The following LSAMP variants were observed in gnomAD, a reference collection of about 807,000 sequenced individuals.
The protein encoded by LSAMP is limbic system-associated membrane protein.
LSAMP carries 7 observed loss-of-function variants against 38.6 expected under a neutral mutation model. That is an observed-to-expected ratio of 0.18 (90% CI 0.10 to 0.34). The LOEUF (loss-of-function observed/expected upper bound fraction) is 0.34. LSAMP is among the 10% of genes least tolerant of loss of function. The pLI, the probability that LSAMP is intolerant of heterozygous loss-of-function variation, is 1.00. For missense variants in LSAMP, 313 were observed against 420.0 expected (o/e 0.75, Z 2.23); for synonymous variants, 154 against 166.8 (o/e 0.92, Z 0.59).
chr3:116,357,132 T>C (rs1576158142), intron 1 of LSAMP, among the ~76,000 whole-genome samples: 2 of 152,264 alleles, frequency 1.3e-5, no homozygotes, highest in African/African-American at 4.8e-5. Flanking sequence ...TAATCAACAC[T>C]TAGGTCCTTA....
intron 1 of LSAMP, among the ~76,000 whole-genome samples, chr3:116,307,794 A>T (rs142282037): frequency 6.6e-6 from 1 of 152,062 alleles, no homozygotes; most frequent in East Asian, 1.9e-4. Flanking sequence ...AAATTTTCAC[A>T]TTATAAAATT....
In LSAMP at chr3:116,086,512, C is replaced by T. The variant is rs577289191; in HGVS notation, c.200G>A (p.Arg67His). ...ATGTCCAGCAAAAATGATGCCAGAA[C>T]GGTTCAACCAGGCCACCTTTGAGTT... ...DKNSKVAWLN[R>H]SGIIFAGHDK... is the part of the protein sequence containing the mutation. The change falls in exon 2 of 7, where the codon CGT becomes CAT. Residue 67 changes from arginine to histidine, a missense_variant. Transcript: ENST00000490035. 8 of 1,614,136 alleles carry T rather than the reference C, an allele frequency of 5.0e-6. No individual in the cohort carries two copies. Among genetic ancestry groups the T allele is most frequent in the Non-Finnish European group, 5.9e-6 (7 of 1,180,018 alleles).
intron 1 of LSAMP, among the ~76,000 whole-genome samples, chr3:116,164,377 T>A (rs9812548): frequency 2.0e-5 from 3 of 150,892 alleles, no homozygotes; most frequent in African/African-American, 7.3e-5. Context: ...TGCCAAATAC[T>A]AAATAAAATG....
At chr3:116,085,313 C>A (rs1296653218) in intron 2 of LSAMP, among the ~76,000 whole-genome samples, 7 of 152,190 alleles carry the variant, frequency 4.6e-5, no homozygotes, top group Admixed American at 1.3e-4. Context: ...CAGTTTCAAT[C>A]TATTAATCAG....
In LSAMP at chr3:116,323,584, C is replaced by T. The variant is rs148327059; in HGVS notation, c.155+121293G>A. Among the ~76,000 whole-genome samples the T allele has an allele frequency of 2.0e-3, 305 of 152,168 alleles. 4 individuals are homozygous for T. Among genetic ancestry groups the T allele is most frequent in the South Asian group, 7.9e-3 (38 of 4,824 alleles). On this transcript the variant is annotated intron_variant, in intron 1 of 6. Transcript: ENST00000490035. Reference sequence around the variant, plus strand: ...TTTCTGTACATAGATGAATTATCTTCCATCTTGGTAACTTTACTTATTTCT... The same window carrying T: ...TTTCTGTACATAGATGAATTATCTTTCATCTTGGTAACTTTACTTATTTCT...
rs548318868 is a variant in LSAMP at position 116,445,073 on chromosome 3, G to T, written c.-42C>A. ...TGCGGGTCCGCGGGGTGCTCTGGAG[G>T]GGTGCGCGCTGCTCGCGAGGAGAGG... On this transcript the variant is annotated 5_prime_UTR_variant, in exon 1 of 7. Coordinates refer to ENST00000490035, the MANE Select transcript of LSAMP (RefSeq NM_002338.5). 1.3e-6 allele frequency: 2 copies of T among 1,576,272 alleles called. No homozygotes were observed.
At chr3:115,920,450 T>C (rs1937356150) in intron 3 of LSAMP, among the ~76,000 whole-genome samples, 1 of 152,188 alleles carries the variant, frequency 6.6e-6, no homozygotes. Context: ...TGCATTTTCC[T>C]AATTATTGGT....
intron 1 of LSAMP, among the ~76,000 whole-genome samples, chr3:116,378,972 A>G (rs2048523920): frequency 6.9e-6 from 1 of 144,728 alleles, no homozygotes; most frequent in African/African-American, 2.5e-5. Flanking sequence ...TCTTTTTCCT[A>G]TTGGTAATTG....
At chr3:116,383,524 T>C (rs531475048) in intron 1 of LSAMP, among the ~76,000 whole-genome samples, 215 of 152,230 alleles carry the variant, frequency 1.4e-3, no homozygotes, top group African/African-American at 4.9e-3. Context: ...CTGACAGTAG[T>C]GGACCAGGAC....
chr3:116,172,483 C>G (rs1030978228), intron 1 of LSAMP, among the ~76,000 whole-genome samples: 3 of 151,738 alleles, frequency 2.0e-5, no homozygotes, highest in Non-Finnish European at 2.9e-5. Flanking sequence ...TGGGGCTTCC[C>G]CAACAACTAA....
At chr3:116,432,611 T>C (rs2049296182) in intron 1 of LSAMP, among the ~76,000 whole-genome samples, 1 of 152,102 alleles carries the variant, frequency 6.6e-6, no homozygotes, top group African/African-American at 2.4e-5. Flanking sequence ...ATCTATAACT[T>C]CTGGCATTTC....
At chr3:116,007,829 C>T (rs751796831) in intron 3 of LSAMP, among the ~76,000 whole-genome samples, 12 of 152,130 alleles carry the variant, frequency 7.9e-5, no homozygotes, top group Admixed American at 2.0e-4. Context: ...TGTAAGTTTA[C>T]TTTGCATCAG....
intron 3 of LSAMP, among the ~76,000 whole-genome samples, chr3:115,924,091 C>T (rs1178311109): frequency 6.6e-6 from 1 of 152,008 alleles, no homozygotes; most frequent in African/African-American, 2.4e-5. Context: ...TTCCTAGGAA[C>T]CTGATCCTAA....
At chr3:116,367,277 G>A (rs533549884) in intron 1 of LSAMP, among the ~76,000 whole-genome samples, 1 of 152,222 alleles carries the variant, frequency 6.6e-6, no homozygotes, top group East Asian at 1.9e-4. Flanking sequence ...CATAAAATAT[G>A]TATATGCTAA....
intron 3 of LSAMP, among the ~76,000 whole-genome samples, chr3:115,997,523 A>C (rs1202721008): frequency 6.6e-6 from 1 of 151,346 alleles, no homozygotes; most frequent in African/African-American, 2.4e-5. Flanking sequence ...AATGATGAAA[A>C]GAATGTGTGT....
At chr3:116,076,473 G>A (rs746125175) in intron 2 of LSAMP, among the ~76,000 whole-genome samples, 6 of 151,958 alleles carry the variant, frequency 3.9e-5, no homozygotes, top group Non-Finnish European at 7.4e-5. Flanking sequence ...TAGCCAGGAT[G>A]GTCTCAATCT....
At chr3:115,894,650 CAT>C (rs1421847086) in intron 3 of LSAMP, among the ~76,000 whole-genome samples, 2 of 152,056 alleles carry the variant, frequency 1.3e-5, no homozygotes, top group African/African-American at 2.4e-5. Flanking sequence ...CCACTGATAA[CAT>C]ATTTTTTTCC....
chr3:116,214,882 A>G (rs1310736839), intron 1 of LSAMP, among the ~76,000 whole-genome samples: 3 of 152,140 alleles, frequency 2.0e-5, no homozygotes, highest in African/African-American at 7.2e-5. Flanking sequence ...TAAAGAGAGT[A>G]ATGGGAAGAG....
intron 1 of LSAMP, among the ~76,000 whole-genome samples, chr3:116,109,556 T>A (rs1267535753): frequency 6.6e-6 from 1 of 152,180 alleles, no homozygotes; most frequent in Non-Finnish European, 1.5e-5. Flanking sequence ...GACCATTTGC[T>A]CATTTTACAA....
Sources: gnomAD v4.1 joint callset for allele counts (sites outside exome capture counted in the v4.1 genomes callset) on GRCh38, gnomAD v4.1.1 for gene constraint, MANE v1.5 for transcripts, NCBI Gene and HGNC (gene_info 2026-07-23, HGNC 2026-07-21) for gene names.